The following PC variants were observed in gnomAD, a reference collection of about 807,000 sequenced individuals.
The protein encoded by PC is pyruvate carboxylase.
In PC, 46 loss-of-function variants were observed where a neutral mutation model predicts 107.8. The ratio of observed to expected loss-of-function variants is 0.43; its 90% confidence interval spans 0.34 to 0.55. The LOEUF (loss-of-function observed/expected upper bound fraction) is 0.55, where lower values mean the gene tolerates loss of function less well. Ranked by LOEUF, PC falls within the 20% of genes least tolerant of loss-of-function variation. The probability of loss-of-function intolerance (pLI) is 0.04; values close to 1 mark genes in which losing one functional copy is unlikely to be tolerated. For missense variants in PC, 1,241 were observed against 1,643.1 expected, an observed-to-expected ratio of 0.76 and a Z score of 4.23; for synonymous variants, 662 against 684.7, an observed-to-expected ratio of 0.97 and a Z score of 0.52.
At chr11:66,851,973 C>T (rs1257416473) in intron 15 of PC, 27 bp from the exon 16 acceptor site, 1 of 1,612,376 alleles carries the variant, frequency 6.2e-7, no homozygotes, top group Non-Finnish European at 8.5e-7. Flanking sequence ...AGGCCCAGAT[C>T]AGCTCTGCAT....
chr11:66,889,489 G>A (rs1947490048), intron 3 of PC, among the ~76,000 whole-genome samples: 1 of 151,998 alleles, frequency 6.6e-6, no homozygotes, highest in Non-Finnish European at 1.5e-5. Context: ...TCCCACCTCA[G>A]CCTCCCGAGT....
chr11:66,850,645 G>T lies in PC; in HGVS notation c.2473+29C>A, dbSNP rs559057612. 3.1e-6 allele frequency: 5 copies of T among 1,604,684 alleles called. No homozygotes were observed. In the African/African-American group the frequency reaches 4.0e-5, roughly 13 times the overall value. ...GGTGGTGGCTGCGGCTTTGAGAGGG[G>T]TGTGGCCACGGGCTGCTGTTCTTCC... On this transcript the variant is annotated intron_variant, in intron 18 of 22. Transcript: ENST00000393960.
At position 66,866,412 on chromosome 11, in the gene PC, T is replaced by C; in HGVS notation, c.1023-63A>G. On this transcript the variant is annotated intron_variant, in intron 10 of 22. Transcript: ENST00000393960. The surrounding 1 kb of genome is among the most constrained non-coding windows in gnomAD (Gnocchi z 5.4). The stretch of plus-strand genomic sequence containing the variant: ...AAAGGGGGAAACATGAGGCGGGGGA[T>C]AGACGAGGGGCACCGCAGCCAGTGG... 2.8e-6 allele frequency: 3 copies of C among 1,068,004 alleles called. No individual in the cohort carries two copies. The highest frequency in any genetic ancestry group is 2.6e-5 in the South Asian group (2 of 75,614). 66.2% of individuals were successfully genotyped at this position (1,068,004 alleles called of 1,614,324 possible).
At chr11:66,929,931 A>C (rs967161584) in intron 3 of PC, among the ~76,000 whole-genome samples, 3 of 152,336 alleles carry the variant, frequency 2.0e-5, no homozygotes, top group Middle Eastern at 6.8e-3. Context: ...GCTTTTATCT[A>C]GATGGCATTT....
chr11:66,932,549 C>T (rs1044851062), intron 3 of PC, among the ~76,000 whole-genome samples: 11 of 152,190 alleles, frequency 7.2e-5, no homozygotes, highest in African/African-American at 2.7e-4. Flanking sequence ...CTCGCAGATG[C>T]AGTGGCCGAA....
At chr11:66,853,194 A>T in intron 13 of PC, 45 bp downstream of exon 13, 1 of 1,593,628 alleles carries the variant, frequency 6.3e-7, no homozygotes, top group Non-Finnish European at 8.6e-7. Flanking sequence ...GAGATTGGAG[A>T]GCGGAGGGGA....
chr11:66,894,368 C>G (rs145508303), intron 3 of PC, among the ~76,000 whole-genome samples: 46 of 152,316 alleles, frequency 3.0e-4, no homozygotes, highest in African/African-American at 9.4e-4. Context: ...ATTAGAACAC[C>G]CTTCCCGTCC....
chr11:66,858,553 C>G lies in PC; in HGVS notation c.1369-5170G>C. ...GGCCTGGCCGGCCGCTACTTCTGGGCAGTGCCCGAGGGCGAGTTCTCCTGT... is the reference window on the plus strand; with the variant it reads ...GGCCTGGCCGGCCGCTACTTCTGGGGAGTGCCCGAGGGCGAGTTCTCCTGT... On this transcript the variant is annotated intron_variant, in intron 12 of 22. Coordinates refer to ENST00000393960, the MANE Select transcript of PC (RefSeq NM_001040716.2). This position sits in a 1 kb window ranked among gnomAD's most constrained non-coding sequence, Gnocchi z 5.9. 5 of 1,533,562 alleles carry G rather than the reference C, an allele frequency of 3.3e-6. No individual in the cohort carries two copies. The highest frequency in any genetic ancestry group is 4.4e-6 in the Non-Finnish European group (5 of 1,144,906). 95.0% of individuals were successfully genotyped at this position (1,533,562 alleles called of 1,614,324 possible). A position where few individuals can be genotyped will look rare whatever the true frequency, so the allele number is the denominator to read the frequency against.
chr11:66,858,728 C>A lies in PC; in HGVS notation c.1368+5046G>T. 6.4e-7 allele frequency: 1 copy of A among 1,553,452 alleles called. No homozygotes were observed. The highest frequency in any genetic ancestry group is 2.4e-5 in the East Asian group (1 of 41,488). On this transcript the variant is annotated intron_variant, in intron 12 of 22. Transcript: ENST00000393960. This position sits in a 1 kb window ranked among gnomAD's most constrained non-coding sequence, Gnocchi z 5.9. Reference sequence around the variant, plus strand: ...GGTTGGTTGGCAACTCCTCCCGAGCCCGGGCTTTCCCCAACGGGACCTTAG... The same window carrying A: ...GGTTGGTTGGCAACTCCTCCCGAGCACGGGCTTTCCCCAACGGGACCTTAG...
chr11:66,889,060 T>C (rs1214962080), intron 3 of PC, among the ~76,000 whole-genome samples: 2 of 151,872 alleles, frequency 1.3e-5, no homozygotes, highest in African/African-American at 4.8e-5. Context: ...GGTGACAGAG[T>C]GAGACTCCAT....
At chr11:66,875,425 G>T (rs761459162) in intron 3 of PC, among the ~76,000 whole-genome samples, 7 of 152,114 alleles carry the variant, frequency 4.6e-5, no homozygotes, top group Non-Finnish European at 1.0e-4. Flanking sequence ...CACAGAGGGG[G>T]AAGAGCAGGG....
Position 66,863,955 on chromosome 11 carries a change from A to G in PC, c.1187T>C (p.Val396Ala). ...GCCCATGCCCTCTCCGCTCCGGAACACCTGTGGGAAGGGTGAGGCGTGAGG... is the reference window on the plus strand; with the variant it reads ...GCCCATGCCCTCTCCGCTCCGGAACGCCTGTGGGAAGGGTGAGGCGTGAGG... Reference protein sequence around the residue: ...SFQPDTGRIEVFRSGEGMGIR... With the variant: ...SFQPDTGRIEAFRSGEGMGIR... Residue 396 changes from valine (V) to alanine (A), a missense_variant and splice_region_variant, in exon 12 of 23, where the codon GTG (valine) becomes GCG (alanine). Transcript: ENST00000393960. 6.2e-7 allele frequency: 1 copy of G among 1,613,616 alleles called. No homozygotes were observed. The highest frequency in any genetic ancestry group is 8.5e-7 in the Non-Finnish European group (1 of 1,179,972).
intron 3 of PC, among the ~76,000 whole-genome samples, chr11:66,905,222 T>C (rs373142987): frequency 1.3e-5 from 2 of 152,172 alleles, no homozygotes; most frequent in Non-Finnish European, 2.9e-5. Flanking sequence ...GCACTGCTGT[T>C]AGAGAAAAGG....
chr11:66,889,617 G>A (rs950962754), intron 3 of PC, among the ~76,000 whole-genome samples: 12 of 152,002 alleles, frequency 7.9e-5, no homozygotes, highest in Non-Finnish European at 1.2e-4. Flanking sequence ...CAAGTGATCC[G>A]CCTGCCTTGG....
intron 3 of PC, among the ~76,000 whole-genome samples, chr11:66,932,177 C>T (rs117561525): frequency 1.1e-4 from 17 of 152,228 alleles, no homozygotes; most frequent in Middle Eastern, 3.4e-3. Context: ...GAGACTCATA[C>T]ATTTCAATGT....
chr11:66,928,162 G>A (rs956107190), intron 3 of PC, among the ~76,000 whole-genome samples: 11 of 152,080 alleles, frequency 7.2e-5, no homozygotes, highest in Admixed American at 4.6e-4. Flanking sequence ...TAAGGCGGGC[G>A]GATCACAAGG....
chr11:66,949,418 C>T (rs1236395881), intron 3 of PC, among the ~76,000 whole-genome samples: 3 of 151,476 alleles, frequency 2.0e-5, no homozygotes, highest in Admixed American at 1.3e-4. Context: ...CCCCTAAGGC[C>T]GGGGCGGCGG....
Position 66,858,466 on chromosome 11 carries a change from A to G in PC, c.1369-5083T>C. 1 of 1,549,488 alleles carries G rather than the reference A, an allele frequency of 6.5e-7. No homozygotes were observed. Among genetic ancestry groups the G allele is most frequent in the Non-Finnish European group, 8.7e-7 (1 of 1,153,972 alleles). On this transcript the variant is annotated intron_variant, in intron 12 of 22. Transcript: ENST00000393960. This position sits in a 1 kb window ranked among gnomAD's most constrained non-coding sequence, Gnocchi z 5.9. ...GGGAACCCCCTGCACTGCAACTGTGAGCTGCTGTGGCTGCGGCGGCTGGCG... is the reference window on the plus strand; with the variant it reads ...GGGAACCCCCTGCACTGCAACTGTGGGCTGCTGTGGCTGCGGCGGCTGGCG...
intron 12 of PC, among the ~76,000 whole-genome samples, chr11:66,855,167 G>A (rs935968062): frequency 6.6e-6 from 1 of 152,180 alleles, no homozygotes; most frequent in Non-Finnish European, 1.5e-5. Flanking sequence ...GGTCCCCACT[G>A]AGTCTCCCCT....
Sources: allele counts gnomAD v4.1 joint callset (sites outside exome capture counted in the v4.1 genomes callset), GRCh38; gene constraint gnomAD v4.1.1; non-coding constraint Gnocchi (gnomAD v3.1); transcripts MANE v1.5; gene names NCBI Gene and HGNC (gene_info 2026-07-23, HGNC 2026-07-21).